Variants in COL5A2 observed in about 807,000 individuals in gnomAD.
The protein encoded by COL5A2 is collagen type V alpha 2 chain, also known as collagen alpha-2(V) chain.
COL5A2 carries 23 observed loss-of-function variants against 208.2 expected under a neutral mutation model. The observed-to-expected ratio is 0.11, with a 90% CI of 0.08 to 0.16. COL5A2 has a LOEUF of 0.16. COL5A2 is among the 10% of genes least tolerant of loss of function. The pLI is 1.00. For synonymous variants in COL5A2, 625 were observed against 628.5 expected (o/e 0.99, Z 0.08); for missense variants, 1,590 against 1,956.4 (o/e 0.81, Z 3.53).
intron 1 of COL5A2, among the ~76,000 whole-genome samples, chr2:189,148,689 G>A (rs1348289324): frequency 1.3e-5 from 2 of 152,138 alleles, no homozygotes; most frequent in East Asian, 3.9e-4. Flanking sequence ...GCATATTCTA[G>A]AATCATAGAT....
the COL5A2 span, among the ~76,000 whole-genome samples, chr2:189,390,335 T>C: frequency 6.6e-6 from 1 of 152,170 alleles, no homozygotes; most frequent in Non-Finnish European, 1.5e-5. Context: ...TCATGAACAG[T>C]GTTTGTAAAT....
At chr2:189,051,839 T>C (rs1409959428) in intron 41 of COL5A2, among the ~76,000 whole-genome samples, 1 of 152,238 alleles carries the variant, frequency 6.6e-6, no homozygotes, top group African/African-American at 2.4e-5. Context: ...GATCTTATAA[T>C]GAATGACATT....
chr2:189,344,260 A>T, the COL5A2 span, among the ~76,000 whole-genome samples: 1 of 152,194 alleles, frequency 6.6e-6, no homozygotes, highest in Admixed American at 6.5e-5. Flanking sequence ...TATGAACCAG[A>T]ATGTTGGACG....
intron 23 of COL5A2, among the ~76,000 whole-genome samples, chr2:189,065,367 T>C (rs1451780950): frequency 6.6e-6 from 1 of 152,044 alleles, no homozygotes; most frequent in Non-Finnish European, 1.5e-5. Flanking sequence ...CTGTCTCTAC[T>C]AAAAATACAA....
In COL5A2 at chr2:189,053,486, A is replaced by C. The variant is rs1312923247; in HGVS notation, c.2500-9T>G. On this transcript the variant is annotated splice_polypyrimidine_tract_variant and intron_variant, in intron 37 of 53. Coordinates refer to ENST00000374866, the MANE Select transcript of COL5A2 (RefSeq NM_000393.5). ...TTTTCACCTCGAGAACCCTAGGAGG[A>C]GACAAAGATTACTGTAGCTTTCACA... 1 of 1,612,712 alleles carries C rather than the reference A, an allele frequency of 6.2e-7. No individual in the cohort carries two copies.
At chr2:189,410,879 A>G in the COL5A2 span, among the ~76,000 whole-genome samples, 1 of 152,290 alleles carries the variant, frequency 6.6e-6, no homozygotes, top group African/African-American at 2.4e-5. Flanking sequence ...TATCCTCTTG[A>G]AGTAATATGT....
chr2:189,207,627 G>A (rs984297872), intron 1 of COL5A2, among the ~76,000 whole-genome samples: 5 of 152,074 alleles, frequency 3.3e-5, no homozygotes, highest in African/African-American at 1.2e-4. Context: ...AGTATTCTAG[G>A]TCACTTCTTC....
the COL5A2 span, among the ~76,000 whole-genome samples, chr2:189,319,910 C>A: frequency 6.6e-6 from 1 of 151,886 alleles, no homozygotes; most frequent in Non-Finnish European, 1.5e-5. Flanking sequence ...TGGGAGGCAC[C>A]CCCCCAGTAG....
chr2:189,414,898 T>C, the COL5A2 span, among the ~76,000 whole-genome samples: 1 of 152,134 alleles, frequency 6.6e-6, no homozygotes, highest in African/African-American at 2.4e-5. Context: ...ATAAAATTCA[T>C]AGGCAGCGCT....
chr2:189,346,166 G>T, the COL5A2 span, among the ~76,000 whole-genome samples: 1 of 152,170 alleles, frequency 6.6e-6, no homozygotes, highest in Non-Finnish European at 1.5e-5. Flanking sequence ...ACTATAGGCC[G>T]CTTGAGGCAA....
At chr2:189,410,739 C>T in the COL5A2 span, among the ~76,000 whole-genome samples, 1 of 151,548 alleles carries the variant, frequency 6.6e-6, no homozygotes, top group Non-Finnish European at 1.5e-5. Context: ...CATAACAAAA[C>T]AAAAATTATG....
At chr2:189,111,684 T>G (rs1367771750) in intron 1 of COL5A2, among the ~76,000 whole-genome samples, 1 of 152,170 alleles carries the variant, frequency 6.6e-6, no homozygotes, top group Non-Finnish European at 1.5e-5. Flanking sequence ...CATTGTGTAT[T>G]ATATGCTAGG....
chr2:189,296,091 T>C, the COL5A2 span, among the ~76,000 whole-genome samples: 3 of 152,184 alleles, frequency 2.0e-5, no homozygotes, highest in Non-Finnish European at 4.4e-5. Flanking sequence ...ATTACATCTA[T>C]TCTAGGCTGC....
chr2:189,072,900 TA>T (rs1302428810), intron 17 of COL5A2, among the ~76,000 whole-genome samples: 27 of 152,124 alleles, frequency 1.8e-4, no homozygotes, highest in African/African-American at 6.3e-4. Context: ...ATTAAAAGAC[TA>T]AATTTAAAAG....
At position 189,156,026 on chromosome 2, in the gene COL5A2, C is replaced by T. The variant is rs924786628; in HGVS notation, c.97+23482G>A. On this transcript the variant is annotated intron_variant, in intron 1 of 53. Transcript: ENST00000374866. ...CTGCTTTTGTCATCACATCTTCCGC[C>T]TCTTTCTTTTTTTAGAAGGATGCTG... Among the ~76,000 whole-genome samples, 4 of 152,278 alleles carry T rather than the reference C, an allele frequency of 2.6e-5. No individual in the cohort carries two copies. The South Asian group carries it at 6.2e-4, about 24-fold the overall frequency.
At chr2:189,250,428 C>A in the COL5A2 span, among the ~76,000 whole-genome samples, 10 of 152,252 alleles carry the variant, frequency 6.6e-5, no homozygotes, top group African/African-American at 2.4e-4. Context: ...CAAAGTTTAA[C>A]CAGGCTAGAG....
chr2:189,088,744 T>G lies in COL5A2; in HGVS notation c.596A>C (p.Asp199Ala), dbSNP rs1686718873. The stretch of plus-strand genomic sequence containing the variant: ...TTGACTCCCAAGTCCAGATTTTTCA[T>G]CCAACCCAGCCATTTGAGCTGAAAA... Reference protein sequence around the residue: ...RPFSAQMAGLDEKSGLGSQVG... With the variant: ...RPFSAQMAGLAEKSGLGSQVG... Residue 199 changes from aspartate (D) to alanine (A), a missense_variant, in exon 8 of 54, where the codon GAT becomes GCT. Coordinates refer to ENST00000374866, the MANE Select transcript of COL5A2 (RefSeq NM_000393.5). 6.2e-7 allele frequency: 1 copy of G among 1,614,002 alleles called. No homozygotes were observed. Among genetic ancestry groups the G allele is most frequent in the Non-Finnish European group, 8.5e-7 (1 of 1,179,940 alleles).
intron 2 of COL5A2, among the ~76,000 whole-genome samples, chr2:189,105,381 C>T (rs756866198): frequency 1.3e-5 from 2 of 151,556 alleles, no homozygotes; most frequent in Non-Finnish European, 3.0e-5. Context: ...TGCTATCAAA[C>T]ATTTTAATTT....
chr2:189,283,479 A>C, the COL5A2 span, among the ~76,000 whole-genome samples: 1 of 152,142 alleles, frequency 6.6e-6, no homozygotes, highest in South Asian at 2.1e-4. Flanking sequence ...ACAATTCTAC[A>C]GGACATCTGA....
Sources: allele counts gnomAD v4.1 joint callset (sites outside exome capture counted in the v4.1 genomes callset), GRCh38; gene constraint gnomAD v4.1.1; transcripts MANE v1.5; gene names NCBI Gene and HGNC (gene_info 2026-07-23, HGNC 2026-07-21).